The following THSD4 variants were observed in gnomAD, a reference collection of about 807,000 sequenced individuals.
THSD4 encodes thrombospondin type 1 domain containing 4.
A neutral mutation model predicts 119.0 loss-of-function variants in THSD4; 69 were observed. The ratio of observed to expected loss-of-function variants is 0.58; its 90% CI spans 0.48 to 0.71. THSD4 has a LOEUF of 0.71. Among genes scored for constraint, THSD4 ranks in the 30% least tolerant of loss-of-function variants. The pLI, the probability that THSD4 is intolerant of heterozygous loss-of-function variation, is 0.00. For synonymous variants in THSD4, 524 were observed against 540.4 expected, an observed-to-expected ratio of 0.97 and a Z score of 0.42; for missense variants, 1,393 against 1,391.1, an observed-to-expected ratio of 1.00 and a Z score of -0.02.
intron 6 of THSD4, among the ~76,000 whole-genome samples, chr15:71,374,319 C>T (rs909453534): frequency 6.6e-6 from 1 of 152,126 alleles, no homozygotes; most frequent in Non-Finnish European, 1.5e-5. Context: ...TCCCATCTGT[C>T]GAGCACTCAG....
intron 7 of THSD4, among the ~76,000 whole-genome samples, chr15:71,523,528 T>C (rs1007883797): frequency 6.6e-6 from 1 of 152,196 alleles, no homozygotes; most frequent in African/African-American, 2.4e-5. Flanking sequence ...TGAGTATATC[T>C]TTTGGGAGAC....
At chr15:71,458,508 T>C (rs953918878) in intron 7 of THSD4, among the ~76,000 whole-genome samples, 2 of 152,252 alleles carry the variant, frequency 1.3e-5, no homozygotes, top group African/African-American at 4.8e-5. Context: ...AAGTACTTGG[T>C]AGAGTCCAGC....
chr15:71,319,445 G>C (rs2045237530), intron 6 of THSD4, among the ~76,000 whole-genome samples: 1 of 136,296 alleles, frequency 7.3e-6, no homozygotes, highest in African/African-American at 2.8e-5. Context: ...TCCCTGCCCT[G>C]TGTCGAAGTG....
chr15:71,202,248 A>C (rs887575943), intron 3 of THSD4, among the ~76,000 whole-genome samples: 1 of 151,952 alleles, frequency 6.6e-6, no homozygotes, highest in Admixed American at 6.5e-5. Flanking sequence ...TTGTCACCCA[A>C]ATCTCTTTAG....
chr15:71,389,058 T>A (rs1443355665), intron 6 of THSD4, among the ~76,000 whole-genome samples: 2 of 152,198 alleles, frequency 1.3e-5, no homozygotes, highest in Admixed American at 1.3e-4. Flanking sequence ...CCTTCCGCCA[T>A]GATTGCAAGG....
chr15:71,681,332 G>A (rs2141030599), intron 8 of THSD4, among the ~76,000 whole-genome samples: 1 of 152,178 alleles, frequency 6.6e-6, no homozygotes, highest in South Asian at 2.1e-4. Flanking sequence ...CTTTCCAAAA[G>A]CAAAAGACAA....
At chr15:71,499,979 G>A (rs115786775) in intron 7 of THSD4, among the ~76,000 whole-genome samples, 3,436 of 152,142 alleles carry the variant, frequency 0.023, 128 homozygotes, top group African/African-American at 0.079. Context: ...CTTGTTTTCA[G>A]TTCTTTTGGA....
intron 6 of THSD4, among the ~76,000 whole-genome samples, chr15:71,400,858 C>T (rs980427247): frequency 6.6e-6 from 1 of 152,044 alleles, no homozygotes; most frequent in African/African-American, 2.4e-5. Flanking sequence ...GAACTTGAGC[C>T]TGGGAAGTGA....
Position 71,142,378 on chromosome 15 carries a change from G to A in THSD4, c.29+822G>A, listed in dbSNP as rs931911881. 1.5e-4 allele frequency among the ~76,000 whole-genome samples: 23 copies of A among 152,056 alleles called. No individual in the cohort carries two copies. In the South Asian group the frequency reaches 2.1e-3, roughly 14 times the overall value. On this transcript the variant is annotated intron_variant, in intron 2 of 17. Transcript: ENST00000261862. The stretch of plus-strand genomic sequence containing the variant: ...CATTGCAACTGTAGTCCATGTTATC[G>A]AAGTTGTTTTCAAACTTTTTAAAAA...
At chr15:71,611,988 C>T (rs1468216714) in intron 7 of THSD4, among the ~76,000 whole-genome samples, 2 of 152,154 alleles carry the variant, frequency 1.3e-5, no homozygotes, top group East Asian at 1.9e-4. Context: ...GAGTACTCTT[C>T]GCCAAGAACT....
chr15:71,558,478 T>C (rs2049057740), intron 7 of THSD4, among the ~76,000 whole-genome samples: 1 of 152,130 alleles, frequency 6.6e-6, no homozygotes, highest in South Asian at 2.1e-4. Flanking sequence ...ATTAGTCAGT[T>C]TTAAGGTTTT....
chr15:71,528,643 C>T (rs192709599), intron 7 of THSD4, among the ~76,000 whole-genome samples: 6 of 152,322 alleles, frequency 3.9e-5, no homozygotes, highest in Admixed American at 3.9e-4. Flanking sequence ...CTCCCTGCAT[C>T]CCATAATGTA....
intron 3 of THSD4, among the ~76,000 whole-genome samples, chr15:71,172,626 T>G (rs2043380421): frequency 1.1e-5 from 1 of 93,958 alleles, no homozygotes; most frequent in Admixed American, 1.3e-4. Flanking sequence ...ATGTTATTGG[T>G]GTAAAGATAG....
intron 8 of THSD4, among the ~76,000 whole-genome samples, chr15:71,715,114 G>T (rs189948119): frequency 6.6e-6 from 1 of 152,224 alleles, no homozygotes; most frequent in East Asian, 1.9e-4. Context: ...ATGTACATCT[G>T]TTCCCAAAGG....
intron 7 of THSD4, among the ~76,000 whole-genome samples, chr15:71,645,845 T>C (rs985319901): frequency 4.6e-5 from 7 of 152,092 alleles, no homozygotes. Flanking sequence ...AAAGGGGAAA[T>C]TCAAGATGCA....
At chr15:71,599,680 TGAG>T (rs1289245057) in intron 7 of THSD4, among the ~76,000 whole-genome samples, 1 of 152,238 alleles carries the variant, frequency 6.6e-6, no homozygotes, top group Non-Finnish European at 1.5e-5. Context: ...TAAAACCTGA[TGAG>T]GAGCATTTTA....
rs181696368 is a variant in THSD4 at position 71,719,972 on chromosome 15, G to A, written c.1358-8577G>A. Among the ~76,000 whole-genome samples, 67 of 148,392 alleles carry A rather than the reference G, an allele frequency of 4.5e-4. No individual in the cohort carries two copies. In the East Asian group the frequency reaches 0.012, roughly 26 times the overall value. On this transcript the variant is annotated intron_variant, in intron 8 of 17. Transcript: ENST00000261862. Reference sequence around the variant, plus strand: ...ATTACAGGCATGAGCCACTGCGTTCGGCCATCAAAATACTCTTTAACAAAC... The same window carrying A: ...ATTACAGGCATGAGCCACTGCGTTCAGCCATCAAAATACTCTTTAACAAAC...
chr15:71,630,744 G>A (rs938717113), intron 7 of THSD4, among the ~76,000 whole-genome samples: 10 of 152,160 alleles, frequency 6.6e-5, no homozygotes, highest in African/African-American at 2.4e-4. Flanking sequence ...AGAGACACAT[G>A]GGTGTTTGAA....
At chr15:71,403,837 A>T (rs2046571197) in intron 6 of THSD4, among the ~76,000 whole-genome samples, 1 of 74,458 alleles carries the variant, frequency 1.3e-5, no homozygotes, top group African/African-American at 3.4e-5. Context: ...AGGGAAACTG[A>T]CACATACTAA....
Sources: gnomAD v4.1 joint callset for allele counts (sites outside exome capture counted in the v4.1 genomes callset) on GRCh38, gnomAD v4.1.1 for gene constraint, MANE v1.5 for transcripts, NCBI Gene and HGNC (gene_info 2026-07-23, HGNC 2026-07-21) for gene names.